FTSJ3: variants seen among roughly 807,000 people sequenced by gnomAD.
The protein encoded by FTSJ3 is pre-rRNA 2'-O-ribose RNA methyltransferase FTSJ3.
Under a neutral mutation model 111.5 loss-of-function variants are expected in FTSJ3, and 46 were observed. The ratio of observed to expected loss-of-function variants is 0.41; its 90% confidence interval spans 0.33 to 0.53. The LOEUF is 0.53. FTSJ3 is among the 20% of genes least tolerant of loss of function. FTSJ3 has a pLI of 0.19. For missense variants in FTSJ3, 1,075 were observed against 1,063.8 expected (o/e 1.01, Z -0.15); for synonymous variants, 408 against 383.0 (o/e 1.07, Z -0.76).
At position 63,825,565 on chromosome 17, in the gene FTSJ3, G is replaced by T; in HGVS notation, c.371C>A (p.Ala124Asp). The change falls in exon 6 of 21, where the codon GCT (alanine) becomes GAT (aspartate). Residue 124 changes from alanine to aspartate, a missense_variant. Coordinates refer to ENST00000427159, the MANE Select transcript of FTSJ3 (RefSeq NM_017647.4). ...TGAGTAAGCATCATGGACCCAGCTA[G>T]CCCCAACGTTGGGGGCCCCATCATT... ...VLNDGAPNVG[A>D]SWVHDAYSQA... 1 of 1,614,108 alleles carries T rather than the reference G, an allele frequency of 6.2e-7. No homozygotes were observed. The highest frequency in any genetic ancestry group is 8.5e-7 in the Non-Finnish European group (1 of 1,179,984).
chr17:63,826,997 TCCA>T, intron 1 of FTSJ3, 52 bp downstream of exon 1: 1 of 991,814 alleles, frequency 1.0e-6, no homozygotes, highest in Non-Finnish European at 1.6e-6. Context: ...GTTTCCCACT[TCCA>T]GTTTCCCACT....
At chr17:63,824,447 C>G in intron 10 of FTSJ3, 36 bp from the exon 11 acceptor site, 1 of 1,602,810 alleles carries the variant, frequency 6.2e-7, no homozygotes, top group Non-Finnish European at 8.5e-7. Context: ...CTTGCCATCT[C>G]CCTCTTTGTC....
chr17:63,824,651 C>T lies in FTSJ3; in HGVS notation c.903G>A (p.Gly301=), dbSNP rs9910549. The change falls in exon 10 of 21, where the codon GGG becomes GGA. Residue 301 remains glycine (G), a synonymous_variant. Transcript: ENST00000427159. ...RVCCQDIRVL[G]RKELRSLLNW... Reference sequence around the variant, plus strand: ...CCACTCCATACCTGAGCTCCTTGCGCCCCAACACTCTGATGTCCTGACAGC... The same window carrying T: ...CCACTCCATACCTGAGCTCCTTGCGTCCCAACACTCTGATGTCCTGACAGC... 4,853 of 1,613,962 alleles carry T rather than the reference C, an allele frequency of 3.0e-3. 118 individuals carry two copies. In the African/African-American group the frequency reaches 0.055, roughly 18 times the overall value.
intron 16 of FTSJ3, 100 bp downstream of exon 16, chr17:63,821,254 A>G: frequency 6.7e-7 from 1 of 1,497,434 alleles, no homozygotes; most frequent in Non-Finnish European, 9.2e-7. Flanking sequence ...AGTATTTTTA[A>G]CCCTCCCCAT....
Position 63,824,354 on chromosome 17 carries a change from T to G in FTSJ3, c.975A>C (p.Glu325Asp). 6.2e-7 allele frequency: 1 copy of G among 1,614,230 alleles called. No individual in the cohort carries two copies. The highest frequency in any genetic ancestry group is 8.5e-7 in the Non-Finnish European group (1 of 1,180,044). Reference protein sequence around the residue: ...LRRYVAKKLKEQAKALDISLS... With the variant: ...LRRYVAKKLKDQAKALDISLS... ...ACCTGATGTCCAGTGCCTTTGCTTG[T>G]TCTTTCAGCTTCTTGGCCACATATC... Residue 325 changes from glutamate (E) to aspartate (D), a missense_variant, in exon 11 of 21, where the codon GAA (glutamate) becomes GAC (aspartate). Physicochemically the swap from Glu to Asp is conservative, Grantham distance 45. Coordinates refer to ENST00000427159, the MANE Select transcript of FTSJ3 (RefSeq NM_017647.4).
chr17:63,820,207 A>AACCCCC, intron 19 of FTSJ3, 34 bp from the exon 20 acceptor site: 15 of 310,952 alleles, frequency 4.8e-5, no homozygotes, highest in South Asian at 2.1e-4. Context: ...CCTCTTCCCC[A>AACCCCC]TCCCCCCACC....
Position 63,821,943 on chromosome 17 carries a change from C to T in FTSJ3, c.1475+41G>A, listed in dbSNP as rs73333734. ...GGTAGTACCCACCCTAACACTTCCTCAGAGTGGCAGCATTCCCTTTGGTGC... is the reference window on the plus strand; with the variant it reads ...GGTAGTACCCACCCTAACACTTCCTTAGAGTGGCAGCATTCCCTTTGGTGC... On this transcript the variant is annotated intron_variant, in intron 14 of 20. Transcript: ENST00000427159. The T allele has an allele frequency of 3.0e-3, 4,855 of 1,612,206 alleles. 118 individuals are homozygous for T. The African/African-American group carries it at 0.055, about 18-fold the overall frequency.
At position 63,822,366 on chromosome 17, in the gene FTSJ3, G is replaced by C. The variant is rs1598349367; in HGVS notation, c.1291-198C>G. 5.3e-5 allele frequency among the ~76,000 whole-genome samples: 8 copies of C among 152,152 alleles called. No homozygotes were observed. In the South Asian group the frequency reaches 1.7e-3, roughly 32 times the overall value. On this transcript the variant is annotated intron_variant, in intron 13 of 20. Transcript: ENST00000427159. Reference sequence around the variant, plus strand: ...ACATCCCGTTCTAGGCTGGGTTACTGATCTATCCCACTCAGCTGTCTTGTC... The same window carrying C: ...ACATCCCGTTCTAGGCTGGGTTACTCATCTATCCCACTCAGCTGTCTTGTC...
At position 63,823,630 on chromosome 17, in the gene FTSJ3, T is replaced by C. The variant is rs535750422; in HGVS notation, c.1290+187A>G. 8.3e-4 allele frequency: 530 copies of C among 638,662 alleles called. 1 individual carries two copies. Among genetic ancestry groups the C allele is most frequent in the Non-Finnish European group, 1.2e-3 (437 of 362,346 alleles). 39.6% of individuals were successfully genotyped at this position (638,662 alleles called of 1,614,324 possible). ...AAAATAAATCTATCACACTCATCTA[T>C]CTACCTAACTCATCCTTTTTGGTTT... On this transcript the variant is annotated intron_variant, in intron 13 of 20. Coordinates refer to ENST00000427159, the MANE Select transcript of FTSJ3 (RefSeq NM_017647.4).
In FTSJ3 at chr17:63,821,290, A is replaced by G. The variant is rs574245376; in HGVS notation, c.1886+64T>C. 1.1e-5 allele frequency: 17 copies of G among 1,548,042 alleles called. 1 individual carries two copies. In the South Asian group the frequency reaches 1.9e-4, roughly 18 times the overall value. The stretch of plus-strand genomic sequence containing the variant: ...GTGCAGCCAAGATTAAGAACCCCCA[A>G]TTTAGAGAAATGGTTCAAGCCACCG... On this transcript the variant is annotated intron_variant, in intron 16 of 20. Transcript: ENST00000427159.
At position 63,820,313 on chromosome 17, in the gene FTSJ3, T is replaced by G. The variant is rs919487167; in HGVS notation, c.2198A>C (p.Glu733Ala). The G allele has an allele frequency of 9.3e-6, 15 of 1,613,616 alleles. No individual in the cohort carries two copies. The African/African-American group carries it at 1.9e-4, about 20-fold the overall frequency. Residue 733 changes from glutamate to alanine, a missense_variant, in exon 19 of 21, where the codon GAA becomes GCA. Glu to Ala is a moderately radical substitution (Grantham distance 107). Coordinates refer to ENST00000427159, the MANE Select transcript of FTSJ3 (RefSeq NM_017647.4). ...CTTCTTGATGGGACGTGCATTGATT[T>G]CCCGCCAGCGTTTCCGGTAATGCTC... ...EVEHYRKRWR[E>A]INARPIKKVA...
At position 63,826,558 on chromosome 17, in the gene FTSJ3, G is replaced by C. The variant is rs1322487463; in HGVS notation, c.173+9C>G. The stretch of plus-strand genomic sequence containing the variant: ...CCACCAGGAGCAACCTGTGGCGAGT[G>C]TTACGAACCATCCCCCTGGCGCAGC... On this transcript the variant is annotated intron_variant, in intron 3 of 20. Coordinates refer to ENST00000427159, the MANE Select transcript of FTSJ3 (RefSeq NM_017647.4). The C allele has an allele frequency of 1.2e-6, 2 of 1,609,912 alleles. No homozygotes were observed. The highest frequency in any genetic ancestry group is 1.7e-6 in the Non-Finnish European group (2 of 1,176,348).
chr17:63,821,956 T>A, intron 14 of FTSJ3, 28 bp downstream of exon 14: 1 of 1,612,932 alleles, frequency 6.2e-7, no homozygotes, highest in Non-Finnish European at 8.5e-7. Flanking sequence ...AGTGGCAGCA[T>A]TCCCTTTGGT....
At position 63,823,833 on chromosome 17, in the gene FTSJ3, G is replaced by A; in HGVS notation, c.1274C>T (p.Thr425Ile). ...EGETGMFSLS[T>I]IRGHQLLEEV... is the part of the protein sequence containing the mutation. ...CCGCCTCACCTGGTGACCCCGGATG[G>A]TGCTCAAGGAGAACATGCCAGTCTC... Residue 425 changes from threonine (T) to isoleucine (I), a missense_variant, in exon 13 of 21, where the codon ACC becomes ATC. By Grantham distance (89) the Thr-to-Ile change is moderately conservative. Around this residue, in one of 2 missense-constraint regions of FTSJ3, gnomAD observed 867 missense variants for 796.9 expected, o/e 1.09. Transcript: ENST00000427159. 1.2e-6 allele frequency: 2 copies of A among 1,614,026 alleles called. No homozygotes were observed. The highest frequency in any genetic ancestry group is 1.7e-6 in the Non-Finnish European group (2 of 1,179,994).
rs2040078025 is a variant in FTSJ3, at chr17:63,824,345, C to T, written c.984G>A (p.Lys328=). The T allele has an allele frequency of 1.2e-6, 2 of 1,614,096 alleles. No homozygotes were observed. The highest frequency in any genetic ancestry group is 2.7e-5 in the African/African-American group (2 of 74,918). Residue 328 remains lysine (K), a synonymous_variant, in exon 11 of 21, where the codon AAG becomes AAA. Transcript: ENST00000427159. Reference sequence around the variant, plus strand: ...TCTCTCCTCACCTGATGTCCAGTGCCTTTGCTTGTTCTTTCAGCTTCTTGG... The same window carrying T: ...TCTCTCCTCACCTGATGTCCAGTGCTTTTGCTTGTTCTTTCAGCTTCTTGG... ...YVAKKLKEQA[K]ALDISLSSGE... is the part of the protein sequence containing the mutation.
At chr17:63,821,877 A>G (rs774381525) in intron 14 of FTSJ3, 34 bp from the exon 15 acceptor site, 37 of 1,613,880 alleles carry the variant, frequency 2.3e-5, no homozygotes, top group Non-Finnish European at 3.1e-5. Context: ...GGGCTCAGAG[A>G]CCCAGATTGC....
In FTSJ3 at chr17:63,823,933, G is replaced by C. The variant is rs145159931; in HGVS notation, c.1174C>G (p.Arg392Gly). 6.2e-6 allele frequency: 10 copies of C among 1,614,030 alleles called. No homozygotes were observed. Among genetic ancestry groups the C allele is most frequent in the South Asian group, 1.1e-5 (1 of 91,086 alleles). The change falls in exon 13 of 21, where the codon CGT becomes GGT. Residue 392 changes from arginine to glycine, a missense_variant. By Grantham distance (125) the Arg-to-Gly change is moderately radical. Transcript: ENST00000427159. Reference sequence around the variant, plus strand: ...CGCTCCCGCTGCTTTCTCTGCTCACGCAACAGCTTCTTTTTCTTCCTGAGG... The same window carrying C: ...CGCTCCCGCTGCTTTCTCTGCTCACCCAACAGCTTCTTTTTCTTCCTGAGG... ...ELKRKKKKLL[R>G]EQRKQRERVE...
rs147165407 is a variant in FTSJ3 at position 63,820,661 on chromosome 17, C to A, written c.2072+178G>T. On this transcript the variant is annotated intron_variant, in intron 18 of 20. Coordinates refer to ENST00000427159, the MANE Select transcript of FTSJ3 (RefSeq NM_017647.4). ...GGGCGTGGTGGTTGGCACCTGTAAT[C>A]CCAGCTACTCAGAAGGCTGACTCAA... 5.3e-3 allele frequency among the ~76,000 whole-genome samples: 809 copies of A among 151,448 alleles called. 5 individuals carry two copies. Among genetic ancestry groups the A allele is most frequent in the African/African-American group, 0.018 (738 of 41,092 alleles).
chr17:63,824,657 C>T lies in FTSJ3; in HGVS notation c.897G>A (p.Val299=). ...DIRVCCQDIR[V]LGRKELRSLL... is the part of the protein sequence containing the mutation. The stretch of plus-strand genomic sequence containing the variant: ...CATACCTGAGCTCCTTGCGCCCCAA[C>T]ACTCTGATGTCCTGACAGCACACCC... Residue 299 remains valine, a synonymous_variant, in exon 10 of 21, where the codon GTG becomes GTA. Transcript: ENST00000427159. The T allele has an allele frequency of 6.2e-7, 1 of 1,614,132 alleles. No individual in the cohort carries two copies. The highest frequency in any genetic ancestry group is 1.3e-5 in the African/African-American group (1 of 75,056).
Sources: gnomAD v4.1 joint callset for allele counts (sites outside exome capture counted in the v4.1 genomes callset) on GRCh38, gnomAD v4.1.1 for gene constraint, gnomAD v4.1.1 regional missense constraint, MANE v1.5 for transcripts, NCBI Gene and HGNC (gene_info 2026-07-23, HGNC 2026-07-21) for gene names.